The following PHLPP1 variants were observed in gnomAD, a reference collection of about 807,000 sequenced individuals.
PHLPP1 encodes PH domain and leucine rich repeat protein phosphatase 1.
PHLPP1 carries 42 observed loss-of-function variants against 117.2 expected under a neutral mutation model. That is an observed-to-expected ratio of 0.36 (90% CI 0.28 to 0.46). The LOEUF is 0.46. PHLPP1 is among the 20% of genes least tolerant of loss of function. The pLI is 1.00. For synonymous variants in PHLPP1, 1,042 were observed against 970.7 expected (o/e 1.07, Z -1.37); for missense variants, 2,084 against 2,241.9 (o/e 0.93, Z 1.42).
At chr18:62,829,921 T>A (rs1914710259) in intron 1 of PHLPP1, 114 bp from the exon 2 acceptor site, 1 of 669,058 alleles carries the variant, frequency 1.5e-6, no homozygotes. Flanking sequence ...AGATTGAATT[T>A]ATAATTTTCC....
chr18:62,902,482 A>AT (rs1304457375), intron 6 of PHLPP1, among the ~76,000 whole-genome samples: 1 of 152,118 alleles, frequency 6.6e-6, no homozygotes, highest in Non-Finnish European at 1.5e-5. Flanking sequence ...CTCAACCTTT[A>AT]ATTCCATGCT....
intron 2 of PHLPP1, among the ~76,000 whole-genome samples, chr18:62,833,074 A>G (rs1914797805): frequency 1.3e-5 from 2 of 152,102 alleles, no homozygotes; most frequent in Admixed American, 6.6e-5. Flanking sequence ...TAAATAATGT[A>G]TTATTATTAT....
At chr18:62,846,209 CAAAAAAAAAAAAAA>C (rs34577472) in intron 3 of PHLPP1, among the ~76,000 whole-genome samples, 1 of 78,678 alleles carries the variant, frequency 1.3e-5, no homozygotes, top group African/African-American at 5.2e-5. Context: ...AACTCCATCT[CAAAAAAAAAAAAAA>C]AAAAAAAAAG....
chr18:62,892,078 CTTTCTTTTTTTT>C (rs1486870224), intron 4 of PHLPP1, among the ~76,000 whole-genome samples: 1 of 113,748 alleles, frequency 8.8e-6, no homozygotes, highest in Admixed American at 9.8e-5. Flanking sequence ...TTCTTTCTTT[CTTTCTTTTTTTT>C]TTTTTTTTTT....
At chr18:62,871,376 G>A (rs1915896812) in intron 4 of PHLPP1, among the ~76,000 whole-genome samples, 1 of 152,030 alleles carries the variant, frequency 6.6e-6, no homozygotes, top group Non-Finnish European at 1.5e-5. Context: ...CACCCAGGCT[G>A]GAGTGCAGTG....
intron 2 of PHLPP1, chr18:62,832,385 A>C (rs544924829): frequency 1.3e-5 from 2 of 152,348 alleles, no homozygotes; most frequent in African/African-American, 4.8e-5. Flanking sequence ...AAGGATGAAA[A>C]GTCTTTTGAC....
rs892198400 is a variant in PHLPP1 at position 62,716,964 on chromosome 18, C to T, written c.1281C>T (p.Gly427=). 1.3e-6 allele frequency: 2 copies of T among 1,539,292 alleles called. No individual in the cohort carries two copies. The highest frequency in any genetic ancestry group is 1.7e-6 in the Non-Finnish European group (2 of 1,146,026). Residue 427 remains glycine, a synonymous_variant, in exon 1 of 17, where the codon GGC becomes GGT. Transcript: ENST00000262719. The surrounding 1 kb of genome is among the most constrained non-coding windows in gnomAD (Gnocchi z 5.7). Reference sequence around the variant, plus strand: ...CCCCGAGGGCCATTGACAGCCCGGGCGGGGCCGTCCGCGAGGGGTCGTGCG... The same window carrying T: ...CCCCGAGGGCCATTGACAGCCCGGGTGGGGCCGTCCGCGAGGGGTCGTGCG... ...QKAPRAIDSP[G]GAVREGSCEE... is the part of the protein sequence containing the mutation.
intron 15 of PHLPP1, among the ~76,000 whole-genome samples, chr18:62,973,312 G>A (rs1181091011): frequency 6.6e-6 from 1 of 152,226 alleles, no homozygotes; most frequent in Non-Finnish European, 1.5e-5. Context: ...TGTAGAAATT[G>A]TGGAATATTG....
chr18:62,916,879 G>A (rs1349808034), intron 9 of PHLPP1, among the ~76,000 whole-genome samples: 9 of 148,210 alleles, frequency 6.1e-5, no homozygotes, highest in Admixed American at 4.8e-4. Flanking sequence ...TCAGCCTCCC[G>A]AGTAGCTGGG....
chr18:62,959,380 G>A (rs1425502232), intron 13 of PHLPP1, among the ~76,000 whole-genome samples: 4 of 152,090 alleles, frequency 2.6e-5, no homozygotes, highest in Admixed American at 2.6e-4. Context: ...TCACAATGAA[G>A]TTTTATAGTA....
intron 1 of PHLPP1, among the ~76,000 whole-genome samples, chr18:62,800,991 CCTTCCTTCCTTG>C (rs1251399583): frequency 1.4e-4 from 20 of 138,922 alleles, no homozygotes; most frequent in Non-Finnish European, 9.2e-5. Context: ...ACAGCTAATT[CCTTCCTTCCTTG>C]CTTCCTTCCC....
chr18:62,751,769 G>T (rs574423666), intron 1 of PHLPP1, among the ~76,000 whole-genome samples: 1 of 152,068 alleles, frequency 6.6e-6, no homozygotes, highest in African/African-American at 2.4e-5. Context: ...GGAAGGCAAA[G>T]GACTATGTGG....
chr18:62,724,694 A>G (rs1911016277), intron 1 of PHLPP1, among the ~76,000 whole-genome samples: 1 of 152,202 alleles, frequency 6.6e-6, no homozygotes, highest in South Asian at 2.1e-4. Context: ...TGTGTGCTTT[A>G]CACAGTTAGT....
rs757930377 is a variant in PHLPP1 at position 62,963,457 on chromosome 18, C to T, written c.3545C>T (p.Ser1182Leu). 21 of 1,610,390 alleles carry T rather than the reference C, an allele frequency of 1.3e-5. No homozygotes were observed. The East Asian group carries it at 1.8e-4, about 14-fold the overall frequency. The change falls in exon 14 of 17, where the codon TCG (serine) becomes TTG (leucine). Residue 1182 changes from serine to leucine, a missense_variant. Around this residue, in one of 2 missense-constraint regions of PHLPP1, gnomAD observed 1,365 missense variants for 1,605.9 expected, o/e 0.85. Transcript: ENST00000262719. ...TGGAGTCATGGTTACACTGAAGCTT[C>T]GGGGGTAAAAAACAAGTAAGTCAGA... is the stretch of plus-strand genomic sequence containing the variant. ...AVWSHGYTEA[S>L]GVKNKLCVAA...
intron 1 of PHLPP1, among the ~76,000 whole-genome samples, chr18:62,790,101 T>C (rs1913414388): frequency 6.6e-6 from 1 of 152,184 alleles, no homozygotes; most frequent in African/African-American, 2.4e-5. Context: ...TTTCCATGAA[T>C]TTTTTACAAA....
At chr18:62,950,555 G>A (rs1441426113) in intron 12 of PHLPP1, among the ~76,000 whole-genome samples, 3 of 152,164 alleles carry the variant, frequency 2.0e-5, no homozygotes, top group African/African-American at 7.2e-5. Flanking sequence ...GAAATGGCTG[G>A]GTAGAATGGA....
At chr18:62,869,797 T>C (rs948211868) in intron 4 of PHLPP1, among the ~76,000 whole-genome samples, 2 of 152,236 alleles carry the variant, frequency 1.3e-5, no homozygotes, top group African/African-American at 4.8e-5. Context: ...ATGGGGAAGA[T>C]AGGCCTAGGG....
intron 1 of PHLPP1, among the ~76,000 whole-genome samples, chr18:62,756,150 C>T (rs1273106675): frequency 1.3e-5 from 2 of 151,992 alleles, no homozygotes; most frequent in African/African-American, 2.4e-5. Flanking sequence ...ATTTTCTGCT[C>T]ATGTTGTGTT....
Position 62,903,143 on chromosome 18 carries a change from A to G in PHLPP1, c.2624A>G (p.Lys875Arg). ...TTAGACATCTGTGGCTATTTCCTAA[A>G]AGCGCTCTATGCCTCTTCTAATGGT... ...VTLDICGYFLKALYASSNELV... is the reference protein window; with the variant it reads ...VTLDICGYFLRALYASSNELV... The change falls in exon 7 of 17, where the codon AAA becomes AGA. Residue 875 changes from lysine to arginine, a missense_variant. Lys to Arg is a conservative substitution (Grantham distance 26). Around this residue, in one of 2 missense-constraint regions of PHLPP1, gnomAD observed 1,365 missense variants for 1,605.9 expected, o/e 0.85. Transcript: ENST00000262719. The G allele has an allele frequency of 6.2e-7, 1 of 1,612,838 alleles. No homozygotes were observed. The highest frequency in any genetic ancestry group is 8.5e-7 in the Non-Finnish European group (1 of 1,179,272).
Sources: allele counts gnomAD v4.1 joint callset (sites outside exome capture counted in the v4.1 genomes callset), GRCh38; gene constraint gnomAD v4.1.1; regional missense constraint gnomAD v4.1.1; non-coding constraint Gnocchi (gnomAD v3.1); transcripts MANE v1.5; gene names NCBI Gene and HGNC (gene_info 2026-07-23, HGNC 2026-07-21).